The following KCNAB1 variants were observed in gnomAD, a reference collection of about 807,000 sequenced individuals.
KCNAB1 encodes potassium voltage-gated channel subfamily A regulatory beta subunit 1.
Under a neutral mutation model 64.6 loss-of-function variants are expected in KCNAB1, and 35 were observed. The ratio of observed to expected loss-of-function variants is 0.54; its 90% CI spans 0.41 to 0.72. KCNAB1 has a LOEUF of 0.72. Among genes scored for constraint, KCNAB1 ranks in the 30% least tolerant of loss-of-function variants. KCNAB1 has a pLI of 0.00. For synonymous variants in KCNAB1, 177 were observed against 183.8 expected, an observed-to-expected ratio of 0.96 and a Z score of 0.30; for missense variants, 401 against 512.9, an observed-to-expected ratio of 0.78 and a Z score of 2.11.
intron 2 of KCNAB1, among the ~76,000 whole-genome samples, chr3:156,428,014 G>A (rs1205564477): frequency 6.6e-6 from 1 of 152,186 alleles, no homozygotes; most frequent in East Asian, 1.9e-4. Flanking sequence ...GAATGGGCAT[G>A]CTTCCCAGCA....
intron 1 of KCNAB1, among the ~76,000 whole-genome samples, chr3:156,223,488 G>T (rs1308703756): frequency 3.3e-5 from 5 of 152,040 alleles, no homozygotes; most frequent in African/African-American, 9.7e-5. Context: ...ACACAAAAGT[G>T]CTCCAAGTCC....
chr3:156,338,085 G>T (rs959704039), intron 1 of KCNAB1, among the ~76,000 whole-genome samples: 1 of 152,084 alleles, frequency 6.6e-6, no homozygotes. Context: ...GAGATGAGGG[G>T]ATGGTCCAAC....
intron 1 of KCNAB1, among the ~76,000 whole-genome samples, chr3:156,233,810 G>C (rs145629558): frequency 2.0e-4 from 31 of 152,124 alleles, no homozygotes; most frequent in African/African-American, 7.5e-4. Context: ...CAAAAAAGAG[G>C]TGTCAAGGAT....
At chr3:156,531,101 G>A (rs958308236) in intron 12 of KCNAB1, among the ~76,000 whole-genome samples, 2 of 152,210 alleles carry the variant, frequency 1.3e-5, no homozygotes, top group African/African-American at 4.8e-5. Flanking sequence ...AAGAAAGACA[G>A]CAGTGCATCT....
rs574130097 is a variant in KCNAB1, at chr3:156,166,528, T to C, written c.275+45642T>C. Among the ~76,000 whole-genome samples the C allele has an allele frequency of 1.5e-3, 225 of 145,186 alleles. 1 individual carries two copies. In the Middle Eastern group the frequency reaches 0.021, roughly 13 times the overall value. ...GCTAGACAAATTTAAAAAATACATA[T>C]ATACACACACACACACACACACACA... On this transcript the variant is annotated intron_variant, in intron 1 of 13. Coordinates refer to ENST00000490337, the MANE Select transcript of KCNAB1 (RefSeq NM_172160.3).
intron 1 of KCNAB1, among the ~76,000 whole-genome samples, chr3:156,364,595 A>C (rs1725828058): frequency 6.6e-6 from 1 of 152,070 alleles, no homozygotes; most frequent in South Asian, 2.1e-4. Flanking sequence ...CCTAACCAAC[A>C]TGGAGAAACC....
chr3:156,353,313 T>C (rs1398749688), intron 1 of KCNAB1, among the ~76,000 whole-genome samples: 1 of 152,166 alleles, frequency 6.6e-6, no homozygotes, highest in East Asian at 1.9e-4. Flanking sequence ...CTTTCTTAAA[T>C]GTTTACCGAG....
intron 1 of KCNAB1, among the ~76,000 whole-genome samples, chr3:156,280,973 T>C (rs1475374772): frequency 1.3e-5 from 2 of 150,700 alleles, no homozygotes; most frequent in African/African-American, 4.9e-5. Context: ...TCCTGCCTAA[T>C]TGCCCTGGCC....
At chr3:156,476,528 C>T (rs866269749) in intron 8 of KCNAB1, among the ~76,000 whole-genome samples, 30 of 147,594 alleles carry the variant, frequency 2.0e-4, no homozygotes, top group South Asian at 8.6e-4. Flanking sequence ...TATATACACA[C>T]ACACACACAC....
chr3:156,147,260 A>T (rs1392902069), intron 1 of KCNAB1, among the ~76,000 whole-genome samples: 1 of 152,192 alleles, frequency 6.6e-6, no homozygotes, highest in Non-Finnish European at 1.5e-5. Flanking sequence ...CCATAATGGC[A>T]CACCTCTTCC....
In KCNAB1 at chr3:156,120,899, T is replaced by C; in HGVS notation, c.275+13T>C. 6.2e-7 allele frequency: 1 copy of C among 1,611,998 alleles called. No homozygotes were observed. Among genetic ancestry groups the C allele is most frequent in the Non-Finnish European group, 8.5e-7 (1 of 1,178,934 alleles). On this transcript the variant is annotated intron_variant, in intron 1 of 13. Coordinates refer to ENST00000490337, the MANE Select transcript of KCNAB1 (RefSeq NM_172160.3). ...GCATGCCGCACAGGTAAGCTGCCCC[T>C]GCTCTGCGCGGGCTTTGGGAGACGC...
intron 8 of KCNAB1, among the ~76,000 whole-genome samples, chr3:156,512,010 T>A (rs1368976887): frequency 5.9e-5 from 9 of 152,244 alleles, no homozygotes; most frequent in Non-Finnish European, 1.3e-4. Flanking sequence ...GTTCCTTTTT[T>A]CTTTTTTATG....
intron 1 of KCNAB1, among the ~76,000 whole-genome samples, chr3:156,138,100 C>A (rs1249098549): frequency 1.3e-5 from 2 of 152,190 alleles, no homozygotes; most frequent in Non-Finnish European, 2.9e-5. Flanking sequence ...TTTGTTAACA[C>A]AACACACACA....
intron 1 of KCNAB1, among the ~76,000 whole-genome samples, chr3:156,328,454 C>T (rs960615491): frequency 3.9e-5 from 6 of 152,124 alleles, no homozygotes; most frequent in African/African-American, 1.4e-4. Flanking sequence ...AAAGTGTTGT[C>T]TCATCTTTTG....
intron 8 of KCNAB1, among the ~76,000 whole-genome samples, chr3:156,499,829 T>C (rs1408448266): frequency 1.3e-5 from 2 of 151,670 alleles, no homozygotes; most frequent in Admixed American, 1.3e-4. Flanking sequence ...CTCAGTAGAG[T>C]CCATGCCCTC....
intron 1 of KCNAB1, among the ~76,000 whole-genome samples, chr3:156,295,040 A>G (rs16825979): frequency 0.16 from 24,675 of 152,214 alleles, 5,643 homozygotes; most frequent in African/African-American, 0.52. Context: ...CTAAAGTACA[A>G]GTTGAAGAAA....
In KCNAB1 at chr3:156,294,185, C is replaced by T. The variant is rs529139523; in HGVS notation, c.276-127431C>T. Among the ~76,000 whole-genome samples the T allele has an allele frequency of 1.5e-4, 23 of 152,334 alleles. No individual in the cohort carries two copies. In the East Asian group the frequency reaches 4.2e-3, roughly 28 times the overall value. ...GAGTGATAACTCTGCTTCCCAAAAG[C>T]TCAGAGTGTGAGCAAGGTTCGCTTG... On this transcript the variant is annotated intron_variant, in intron 1 of 13. Transcript: ENST00000490337.
At chr3:156,457,679 A>G in intron 4 of KCNAB1, 147 bp downstream of exon 4, 1 of 683,898 alleles carries the variant, frequency 1.5e-6, no homozygotes, top group African/African-American at 1.8e-5. Flanking sequence ...TACCACCATT[A>G]CTAGAATTGG....
intron 13 of KCNAB1, among the ~76,000 whole-genome samples, chr3:156,535,704 C>A (rs187832025): frequency 1.3e-5 from 2 of 152,326 alleles, no homozygotes; most frequent in Admixed American, 1.3e-4. Context: ...CTTGAAACCA[C>A]CATCTTCCCC....
Sources: allele counts gnomAD v4.1 joint callset (sites outside exome capture counted in the v4.1 genomes callset), GRCh38; gene constraint gnomAD v4.1.1; transcripts MANE v1.5; gene names NCBI Gene and HGNC (gene_info 2026-07-23, HGNC 2026-07-21).